The following CHUK variants were observed in gnomAD, a reference collection of about 807,000 sequenced individuals.
The protein encoded by CHUK is component of inhibitor of nuclear factor kappa B kinase complex, also known as inhibitor of nuclear factor kappa-B kinase subunit alpha.
Under a neutral mutation model 104.8 loss-of-function variants are expected in CHUK, and 35 were observed. The observed-to-expected ratio is 0.33, with a 90% CI of 0.26 to 0.44. The LOEUF (loss-of-function observed/expected upper bound fraction) is 0.44, where lower values mean the gene tolerates loss of function less well. Among genes scored for constraint, CHUK ranks in the 20% least tolerant of loss-of-function variants. The pLI, the probability that CHUK is intolerant of heterozygous loss-of-function variation, is 1.00. For synonymous variants in CHUK, 276 were observed against 291.9 expected (o/e 0.95, Z 0.56); for missense variants, 663 against 902.7 (o/e 0.73, Z 3.40).
At chr10:100,213,709 A>G (rs1407059474) in intron 9 of CHUK, among the ~76,000 whole-genome samples, 4 of 151,996 alleles carry the variant, frequency 2.6e-5, no homozygotes, top group Non-Finnish European at 4.4e-5. Flanking sequence ...CTTAGTAGAG[A>G]TGGGGTTTCA....
chr10:100,204,260 A>T (rs1222099460), intron 13 of CHUK, among the ~76,000 whole-genome samples: 1 of 152,208 alleles, frequency 6.6e-6, no homozygotes, highest in Non-Finnish European at 1.5e-5. Flanking sequence ...AAGATTATTA[A>T]ATCGCACCTG....
At chr10:100,217,338 T>C (rs1007076430) in intron 9 of CHUK, among the ~76,000 whole-genome samples, 4 of 151,586 alleles carry the variant, frequency 2.6e-5, no homozygotes, top group African/African-American at 7.3e-5. Context: ...GTAGTACATA[T>C]TGAATGAACT....
At chr10:100,192,858 T>C in intron 19 of CHUK, 5 of 484,314 alleles carry the variant, frequency 1.0e-5, no homozygotes, top group Non-Finnish European at 1.1e-5. Flanking sequence ...AAAAATTTAT[T>C]AGAAGGGTAA....
chr10:100,193,826 A>G (rs796845469), intron 18 of CHUK, 158 bp downstream of exon 18: 1 of 684,822 alleles, frequency 1.5e-6, no homozygotes, highest in Non-Finnish European at 2.6e-6. Context: ...CCTGCATCTC[A>G]ATTGCTAGTC....
rs139331724 is a variant in CHUK at position 100,219,456 on chromosome 10, G to A, written c.475-97C>T. 5.4e-3 allele frequency: 4,038 copies of A among 752,484 alleles called. 169 individuals carry two copies. In the Admixed American group the frequency reaches 0.073, roughly 14 times the overall value. 46.6% of individuals were successfully genotyped at this position (752,484 alleles called of 1,614,324 possible). On this transcript the variant is annotated intron_variant, in intron 5 of 20. Transcript: ENST00000370397. The stretch of plus-strand genomic sequence containing the variant: ...ACGAGGCTGTAGACAGGGTAGTGGT[G>A]AGGACCTTGGGCTCTGTAATAACAC...
chr10:100,194,187 T>A, intron 17 of CHUK, 56 bp from the exon 18 acceptor site: 1 of 1,591,738 alleles, frequency 6.3e-7, no homozygotes, highest in South Asian at 1.1e-5. Flanking sequence ...CTGTACACCA[T>A]ATTCCCAAAA....
chr10:100,220,706 T>A, intron 4 of CHUK, 30 bp from the exon 5 acceptor site: 1 of 1,390,838 alleles, frequency 7.2e-7, no homozygotes, highest in Non-Finnish European at 1.0e-6. Flanking sequence ...TACTTTAAAG[T>A]AACAGAAATC....
At chr10:100,216,716 T>C (rs1845863632) in intron 9 of CHUK, among the ~76,000 whole-genome samples, 1 of 152,200 alleles carries the variant, frequency 6.6e-6, no homozygotes, top group Non-Finnish European at 1.5e-5. Context: ...GAAACCTGTA[T>C]ACTACAAACA....
chr10:100,208,557 T>C (rs1434802062), intron 10 of CHUK, among the ~76,000 whole-genome samples: 1 of 152,078 alleles, frequency 6.6e-6, no homozygotes, highest in African/African-American at 2.4e-5. Context: ...ATCCCAACAC[T>C]TCAGGAGGCC....
chr10:100,213,293 C>T (rs1269473742), intron 9 of CHUK, among the ~76,000 whole-genome samples: 2 of 151,882 alleles, frequency 1.3e-5, no homozygotes, highest in Non-Finnish European at 2.9e-5. Context: ...ACATCCTGGC[C>T]AACATGGCAA....
chr10:100,223,470 C>T (rs1411853072), intron 2 of CHUK, among the ~76,000 whole-genome samples: 1 of 152,000 alleles, frequency 6.6e-6, no homozygotes, highest in Non-Finnish European at 1.5e-5. Context: ...GAGACCTCAT[C>T]TCTACAAAAA....
At chr10:100,212,536 T>C (rs904757326) in intron 9 of CHUK, among the ~76,000 whole-genome samples, 3 of 152,226 alleles carry the variant, frequency 2.0e-5, no homozygotes, top group Admixed American at 2.0e-4. Flanking sequence ...AAATTTAGGA[T>C]ATTAATTTCT....
chr10:100,220,659 A>G lies in CHUK; in HGVS notation c.403T>C (p.Leu135=). 6.2e-7 allele frequency: 1 copy of G among 1,607,642 alleles called. No individual in the cohort carries two copies. ...LSDIGSGIRY[L]HENKIIHRDL... ...CGATGTATAATTTTGTTTTCATGCAAATATCGAATCCCAGACCCTAAATAA... is the reference window on the plus strand; with the variant it reads ...CGATGTATAATTTTGTTTTCATGCAGATATCGAATCCCAGACCCTAAATAA... The change falls in exon 5 of 21, where the codon TTG becomes CTG. Residue 135 remains leucine, a synonymous_variant. Transcript: ENST00000370397.
Position 100,190,984 on chromosome 10 carries a change from A to T in CHUK, c.2109-16T>A. ...TGAAGTCTCCCTGTGAGATGAAAGA[A>T]CAAAGCCTTTTCAAACTCAGGAAAA... On this transcript the variant is annotated splice_polypyrimidine_tract_variant and intron_variant, in intron 19 of 20. Coordinates refer to ENST00000370397, the MANE Select transcript of CHUK (RefSeq NM_001278.5). 1 of 1,482,422 alleles carries T rather than the reference A, an allele frequency of 6.7e-7. No homozygotes were observed. Among genetic ancestry groups the T allele is most frequent in the Non-Finnish European group, 9.4e-7 (1 of 1,059,912 alleles). 91.8% of individuals were successfully genotyped at this position (1,482,422 alleles called of 1,614,324 possible).
At chr10:100,204,473 T>A (rs376815569) in intron 13 of CHUK, 33 bp downstream of exon 13, 103 of 1,596,430 alleles carry the variant, frequency 6.5e-5, no homozygotes, top group Non-Finnish European at 8.6e-5. Flanking sequence ...AGAAACCAGA[T>A]GCTCCTTTCA....
intron 5 of CHUK, among the ~76,000 whole-genome samples, chr10:100,220,286 T>C (rs1845955781): frequency 6.6e-6 from 1 of 151,890 alleles, no homozygotes; most frequent in South Asian, 2.1e-4. Context: ...CTTTGCTAGA[T>C]ACTATGATGG....
chr10:100,215,171 G>A (rs180986506), intron 9 of CHUK, among the ~76,000 whole-genome samples: 1 of 143,268 alleles, frequency 7.0e-6, no homozygotes, highest in East Asian at 2.1e-4. Context: ...GGAGGTGTAG[G>A]TTGCAGTGAG....
At chr10:100,190,040 C>T (rs1431931829) in intron 20 of CHUK, 3 of 158,716 alleles carry the variant, frequency 1.9e-5, no homozygotes, top group African/African-American at 5.2e-5. Context: ...TTTTTTTTCC[C>T]CGAGACAAAG....
At chr10:100,228,263 G>A (rs1025443992) in intron 1 of CHUK, among the ~76,000 whole-genome samples, 2 of 152,196 alleles carry the variant, frequency 1.3e-5, no homozygotes, top group East Asian at 3.8e-4. Flanking sequence ...CTTTAGGAAG[G>A]CACGAACCTC....
Sources: allele counts gnomAD v4.1 joint callset (sites outside exome capture counted in the v4.1 genomes callset), GRCh38; gene constraint gnomAD v4.1.1; transcripts MANE v1.5; gene names NCBI Gene and HGNC (gene_info 2026-07-23, HGNC 2026-07-21).